Variants in PHACTR1 observed in about 807,000 individuals in gnomAD.
PHACTR1 encodes the protein RPEL repeat containing 1.
In PHACTR1, 16 loss-of-function variants were observed where a neutral mutation model predicts 69.2. The ratio of observed to expected loss-of-function variants is 0.23; its 90% CI spans 0.16 to 0.35. The LOEUF (loss-of-function observed/expected upper bound fraction) is 0.35, where lower values mean the gene tolerates loss of function less well. PHACTR1 is among the 10% of genes least tolerant of loss of function. PHACTR1 has a pLI of 1.00. For missense variants in PHACTR1, 510 were observed against 734.7 expected (o/e 0.69, Z 3.54); for synonymous variants, 312 against 284.5 (o/e 1.10, Z -0.97).
At chr6:12,920,778 G>A (rs1787556605) in intron 4 of PHACTR1, among the ~76,000 whole-genome samples, 1 of 152,196 alleles carries the variant, frequency 6.6e-6, no homozygotes, top group African/African-American at 2.4e-5. Context: ...GTAAGAAGGT[G>A]TACATTTCTA....
At chr6:12,818,044 C>T (rs994417676) in intron 4 of PHACTR1, among the ~76,000 whole-genome samples, 2 of 152,030 alleles carry the variant, frequency 1.3e-5, no homozygotes, top group Non-Finnish European at 2.9e-5. Flanking sequence ...AGGATGGTCT[C>T]GATCTCCTGA....
At position 13,215,571 on chromosome 6, in the gene PHACTR1, C is replaced by T. The variant is rs114962111; in HGVS notation, c.986+9435C>T. Among the ~76,000 whole-genome samples, 588 of 152,190 alleles carry T rather than the reference C, an allele frequency of 3.9e-3. 6 individuals are homozygous for T. Among genetic ancestry groups the T allele is most frequent in the African/African-American group, 0.012 (490 of 41,522 alleles). ...ATAGCATAGAGAATGAGATTGATGACGTAACATTGTAATCAGATATAAGGA... is the reference window on the plus strand; with the variant it reads ...ATAGCATAGAGAATGAGATTGATGATGTAACATTGTAATCAGATATAAGGA... On this transcript the variant is annotated intron_variant, in intron 8 of 14. Transcript: ENST00000332995.
intron 4 of PHACTR1, among the ~76,000 whole-genome samples, chr6:12,809,753 C>G (rs533174392): frequency 2.6e-5 from 4 of 152,282 alleles, no homozygotes; most frequent in Non-Finnish European, 5.9e-5. Context: ...GTTGTCCTTA[C>G]AAGATCAGAT....
intron 7 of PHACTR1, among the ~76,000 whole-genome samples, chr6:13,199,137 C>T (rs1486325583): frequency 6.6e-6 from 1 of 152,142 alleles, no homozygotes; most frequent in East Asian, 1.9e-4. Flanking sequence ...CCTGTAATCC[C>T]AGCACTTTGG....
intron 4 of PHACTR1, among the ~76,000 whole-genome samples, chr6:12,795,577 G>A (rs1311180063): frequency 6.6e-6 from 1 of 152,168 alleles, no homozygotes; most frequent in Non-Finnish European, 1.5e-5. Context: ...AGGTGCTACT[G>A]TTTGAGTCAG....
At chr6:12,733,200 C>T (rs1330898426) in intron 3 of PHACTR1, among the ~76,000 whole-genome samples, 4 of 152,078 alleles carry the variant, frequency 2.6e-5, no homozygotes, top group Admixed American at 2.0e-4. Flanking sequence ...TTCATTTAAC[C>T]GTGTAATTAC....
intron 4 of PHACTR1, among the ~76,000 whole-genome samples, chr6:12,973,932 T>G (rs1794547170): frequency 6.9e-6 from 1 of 145,846 alleles, no homozygotes; most frequent in African/African-American, 2.6e-5. Context: ...TTTTTTTTTT[T>G]TTTTTTTGAG....
intron 5 of PHACTR1, among the ~76,000 whole-genome samples, chr6:13,059,995 G>T (rs909641378): frequency 9.9e-5 from 15 of 152,230 alleles, no homozygotes; most frequent in African/African-American, 3.6e-4. Flanking sequence ...GATGAGGGAA[G>T]ATTATTGTCC....
chr6:13,072,008 A>ATTTTTTTATATTTG (rs1809612697), intron 5 of PHACTR1, among the ~76,000 whole-genome samples: 1 of 152,234 alleles, frequency 6.6e-6, no homozygotes, highest in African/African-American at 2.4e-5. Flanking sequence ...AGGTTATACA[A>ATTTTTTTATATTTG]TTTATCTGTT....
intron 4 of PHACTR1, among the ~76,000 whole-genome samples, chr6:13,002,747 A>G (rs1798242794): frequency 6.6e-6 from 1 of 152,218 alleles, no homozygotes; most frequent in Admixed American, 6.5e-5. Flanking sequence ...TGCACCATTT[A>G]AGAAAAATTA....
At chr6:13,047,458 A>C (rs1805257105) in intron 4 of PHACTR1, among the ~76,000 whole-genome samples, 1 of 150,340 alleles carries the variant, frequency 6.7e-6, no homozygotes, top group South Asian at 2.1e-4. Context: ...CTCCACTCTG[A>C]TCTTTGGTTC....
intron 10 of PHACTR1, among the ~76,000 whole-genome samples, chr6:13,264,492 G>A (rs1776334285): frequency 6.6e-6 from 1 of 152,148 alleles, no homozygotes; most frequent in African/African-American, 2.4e-5. Context: ...GCTGAGGGTG[G>A]GTGGATCACC....
At chr6:13,153,707 C>T (rs1757776702) in intron 5 of PHACTR1, among the ~76,000 whole-genome samples, 1 of 152,190 alleles carries the variant, frequency 6.6e-6, no homozygotes, top group African/African-American at 2.4e-5. Flanking sequence ...AGGGAGTTGC[C>T]TTGGCCACCT....
chr6:12,793,289 T>C (rs1772563510), intron 4 of PHACTR1, among the ~76,000 whole-genome samples: 1 of 152,208 alleles, frequency 6.6e-6, no homozygotes, highest in Admixed American at 6.5e-5. Context: ...TAAAATCTTG[T>C]AAATGCAAAG....
intron 4 of PHACTR1, among the ~76,000 whole-genome samples, chr6:12,994,841 C>T (rs1220096426): frequency 1.3e-5 from 2 of 152,082 alleles, no homozygotes; most frequent in Non-Finnish European, 2.9e-5. Flanking sequence ...GAGACTACTA[C>T]TTTTAGCACT....
At chr6:12,930,937 G>A (rs1269294926) in intron 4 of PHACTR1, among the ~76,000 whole-genome samples, 1 of 144,822 alleles carries the variant, frequency 6.9e-6, no homozygotes. Context: ...TGTAATCCCA[G>A]CTACTCAGGA....
intron 4 of PHACTR1, among the ~76,000 whole-genome samples, chr6:12,985,275 T>TA (rs35001310): frequency 0.5 from 75,257 of 151,612 alleles, 21,142 homozygotes; most frequent in African/African-American, 0.77. Context: ...ATAGGAAAAA[T>TA]TAAGCCTAAG....
At chr6:13,056,947 G>A (rs1462794073) in intron 5 of PHACTR1, among the ~76,000 whole-genome samples, 1 of 152,164 alleles carries the variant, frequency 6.6e-6, no homozygotes, top group Admixed American at 6.5e-5. Context: ...ATTGGACAAT[G>A]GAAAGAAGAA....
intron 4 of PHACTR1, among the ~76,000 whole-genome samples, chr6:13,036,000 T>C (rs367655407): frequency 6.6e-6 from 1 of 152,348 alleles, no homozygotes; most frequent in East Asian, 1.9e-4. Flanking sequence ...CATTGCTAAA[T>C]GTTTACATAT....
Sources: allele counts gnomAD v4.1 joint callset (sites outside exome capture counted in the v4.1 genomes callset), GRCh38; gene constraint gnomAD v4.1.1; transcripts MANE v1.5; gene names NCBI Gene and HGNC (gene_info 2026-07-23, HGNC 2026-07-21).